The following IRF2 variants were observed in gnomAD, a reference collection of about 807,000 sequenced individuals.
IRF2 encodes the protein interferon regulatory factor 2.
A neutral mutation model predicts 40.6 loss-of-function variants in IRF2; 15 were observed. That is an observed-to-expected ratio of 0.37 (90% CI 0.25 to 0.57). IRF2 has a LOEUF of 0.57. Among genes scored for constraint, IRF2 ranks in the 20% least tolerant of loss-of-function variants. IRF2 has a pLI of 0.77. For missense variants in IRF2, 317 were observed against 455.7 expected (o/e 0.70, Z 2.77); for synonymous variants, 151 against 165.5 (o/e 0.91, Z 0.67).
At chr4:184,390,866 T>C in intron 7 of IRF2, 117 bp from the exon 8 acceptor site, 1 of 984,186 alleles carries the variant, frequency 1.0e-6, no homozygotes, top group Non-Finnish European at 1.6e-6. Flanking sequence ...TCCCTCCCTT[T>C]GTAAAGCGAA....
rs1739053629 is a variant in IRF2 at position 184,459,419 on chromosome 4, A to C, written c.-7+14960T>G. Among the ~76,000 whole-genome samples the C allele has an allele frequency of 4.6e-5, 7 of 152,086 alleles. No homozygotes were observed. The South Asian group carries it at 1.5e-3, about 32-fold the overall frequency. ...GGGGCAGGCAATCGTTGCTACAGAA[A>C]CTCCCAATTCCAGCATGGTGCGAGA... On this transcript the variant is annotated intron_variant, in intron 1 of 8. Transcript: ENST00000393593.
chr4:184,416,737 A>G (rs1737291123), intron 5 of IRF2, among the ~76,000 whole-genome samples: 1 of 152,104 alleles, frequency 6.6e-6, no homozygotes, highest in African/African-American at 2.4e-5. Context: ...GTTCAAAAAA[A>G]AGCTGAACTA....
chr4:184,423,238 G>A (rs1737546169), intron 2 of IRF2, among the ~76,000 whole-genome samples: 1 of 152,172 alleles, frequency 6.6e-6, no homozygotes, highest in South Asian at 2.1e-4. Context: ...CACACGTGGT[G>A]GTGGTACATG....
chr4:184,441,826 A>G (rs1245919263), intron 1 of IRF2, among the ~76,000 whole-genome samples: 1 of 152,240 alleles, frequency 6.6e-6, no homozygotes, highest in African/African-American at 2.4e-5. Context: ...CCCATTTTAT[A>G]GATGAAGAAA....
At chr4:184,410,751 A>G (rs1378906683) in intron 5 of IRF2, among the ~76,000 whole-genome samples, 1 of 152,232 alleles carries the variant, frequency 6.6e-6, no homozygotes, top group African/African-American at 2.4e-5. Context: ...AGGCTTGCAT[A>G]TATTTAAAAA....
chr4:184,441,751 A>C (rs941794254), intron 1 of IRF2, among the ~76,000 whole-genome samples: 2 of 152,234 alleles, frequency 1.3e-5, no homozygotes, highest in Non-Finnish European at 1.5e-5. Flanking sequence ...GCAAGTTCTA[A>C]GCACGTTAAG....
chr4:184,416,317 C>CAA (rs1383527631), intron 5 of IRF2, among the ~76,000 whole-genome samples: 4 of 34,990 alleles, frequency 1.1e-4, no homozygotes, highest in Non-Finnish European at 1.1e-4. Flanking sequence ...GACCTTGTCT[C>CAA]AAAAAAAAAA....
At chr4:184,449,927 T>A (rs1738655059) in intron 1 of IRF2, among the ~76,000 whole-genome samples, 1 of 152,146 alleles carries the variant, frequency 6.6e-6, no homozygotes. Context: ...GAAACAGATA[T>A]AAAGAGCGAC....
chr4:184,458,144 G>C (rs1739011232), intron 1 of IRF2, among the ~76,000 whole-genome samples: 1 of 152,222 alleles, frequency 6.6e-6, no homozygotes, highest in African/African-American at 2.4e-5. Context: ...GAAGTCAGTG[G>C]TGAGGCACGC....
chr4:184,450,828 T>C (rs148845869), intron 1 of IRF2, among the ~76,000 whole-genome samples: 6 of 152,320 alleles, frequency 3.9e-5, no homozygotes, highest in African/African-American at 1.2e-4. Context: ...AGGATCACGT[T>C]AAATGGCATT....
chr4:184,468,675 A>G (rs889426808), intron 1 of IRF2, among the ~76,000 whole-genome samples: 1 of 152,196 alleles, frequency 6.6e-6, no homozygotes, highest in African/African-American at 2.4e-5. Context: ...GGCCCTGGGA[A>G]GAGATCCTCG....
chr4:184,448,322 C>T lies in IRF2; in HGVS notation c.-6-19252G>A, dbSNP rs911805038. On this transcript the variant is annotated intron_variant, in intron 1 of 8. Coordinates refer to ENST00000393593, the MANE Select transcript of IRF2 (RefSeq NM_002199.4). The surrounding 1 kb of genome is among the most constrained non-coding windows in gnomAD (Gnocchi z 4.3). ...CGTGCACCAGGATGGTATTAATAAG[C>T]ACATGCATCAATCACTTTATCTATC... Among the ~76,000 whole-genome samples the T allele has an allele frequency of 8.5e-5, 13 of 152,146 alleles. No individual in the cohort carries two copies. The highest frequency in any genetic ancestry group is 1.3e-4 in the Non-Finnish European group (9 of 68,048).
At chr4:184,396,204 C>T (rs994163985) in intron 7 of IRF2, among the ~76,000 whole-genome samples, 15 of 152,156 alleles carry the variant, frequency 9.9e-5, no homozygotes, top group African/African-American at 3.6e-4. Context: ...AAACATTCTG[C>T]TCTGCCTCCT....
chr4:184,435,476 C>T (rs1033586810), intron 1 of IRF2, among the ~76,000 whole-genome samples: 17 of 152,272 alleles, frequency 1.1e-4, no homozygotes, highest in African/African-American at 3.8e-4. Context: ...TCAGACCTGA[C>T]TCCCAGGCTG....
intron 6 of IRF2, chr4:184,407,337 GA>G: frequency 2.0e-6 from 2 of 1,020,724 alleles, no homozygotes; most frequent in Non-Finnish European, 2.6e-6. Context: ...CCCTTAAAGG[GA>G]AAGCAGGCTG....
intron 1 of IRF2, among the ~76,000 whole-genome samples, chr4:184,471,192 T>C (rs1393935851): frequency 2.6e-5 from 4 of 152,254 alleles, no homozygotes; most frequent in Non-Finnish European, 2.9e-5. Flanking sequence ...TTATGCAATG[T>C]TCTTTCATAT....
intron 6 of IRF2, among the ~76,000 whole-genome samples, chr4:184,399,384 C>G (rs1358725461): frequency 2.0e-5 from 3 of 152,220 alleles, no homozygotes; most frequent in Non-Finnish European, 2.9e-5. Flanking sequence ...GCCGAGGCCA[C>G]AGGACCAGAG....
intron 6 of IRF2, among the ~76,000 whole-genome samples, chr4:184,405,685 C>A (rs1160498300): frequency 1.3e-5 from 2 of 152,134 alleles, no homozygotes; most frequent in East Asian, 3.8e-4. Context: ...GGCAGGCCCA[C>A]ACACAGTGTC....
chr4:184,400,677 C>A (rs1736633770), intron 6 of IRF2, among the ~76,000 whole-genome samples: 1 of 152,194 alleles, frequency 6.6e-6, no homozygotes. Flanking sequence ...TACATTCCCA[C>A]CAGCAGTGTC....
Sources: gnomAD v4.1 joint callset for allele counts (sites outside exome capture counted in the v4.1 genomes callset) on GRCh38, gnomAD v4.1.1 for gene constraint, Gnocchi (gnomAD v3.1) non-coding constraint, MANE v1.5 for transcripts, NCBI Gene and HGNC (gene_info 2026-07-23, HGNC 2026-07-21) for gene names.